Variants in HERC5 observed in about 807,000 individuals in gnomAD.
The protein encoded by HERC5 is HECT and RLD domain containing E3 ubiquitin protein ligase 5.
Under a neutral mutation model 119.6 loss-of-function variants are expected in HERC5, and 99 were observed. The ratio of observed to expected loss-of-function variants is 0.83; its 90% confidence interval spans 0.70 to 0.98. The LOEUF (loss-of-function observed/expected upper bound fraction) is 0.98. Ranked by LOEUF, HERC5 falls within the 50% of genes least tolerant of loss-of-function variation. The probability of loss-of-function intolerance (pLI) is 0.00; values close to 1 mark genes in which losing one functional copy is unlikely to be tolerated. For synonymous variants in HERC5, 478 were observed against 445.9 expected, an observed-to-expected ratio of 1.07 and a Z score of -0.91; for missense variants, 1,267 against 1,241.3, an observed-to-expected ratio of 1.02 and a Z score of -0.31.
At chr4:88,467,315 T>G in intron 7 of HERC5, 111 bp downstream of exon 7, 1 of 1,087,504 alleles carries the variant, frequency 9.2e-7, no homozygotes, top group East Asian at 2.4e-5. Context: ...AGGGAGTTTC[T>G]CTAAATACTG....
intron 18 of HERC5, 101 bp downstream of exon 18, chr4:88,494,432 A>G: frequency 1.0e-6 from 1 of 978,084 alleles, no homozygotes; most frequent in South Asian, 1.7e-5. Context: ...CAACAGCAGC[A>G]TTTTAGGTAC....
In HERC5 at chr4:88,462,262, C is replaced by T. The variant is rs762106443; in HGVS notation, c.594C>T (p.Ala198=). 1.1e-5 allele frequency: 18 copies of T among 1,614,104 alleles called. No homozygotes were observed. The highest frequency in any genetic ancestry group is 1.6e-4 in the Middle Eastern group (1 of 6,062). ...LAGVPLAQIS[A]GEAHSMALSM... ...GAGTACCCTTGGCTCAGATTTCTGC[C>T]GGAGAAGCCCACAGCATGGCCTTAT... The change falls in exon 4 of 23, where the codon GCC becomes GCT. Residue 198 remains alanine (A), a synonymous_variant. Transcript: ENST00000264350.
At chr4:88,474,456 G>T (rs1740984920) in intron 11 of HERC5, among the ~76,000 whole-genome samples, 1 of 152,158 alleles carries the variant, frequency 6.6e-6, no homozygotes, top group African/African-American at 2.4e-5. Flanking sequence ...AGGTGAGGAG[G>T]CTTGAGGTTG....
chr4:88,494,210 G>C lies in HERC5; in HGVS notation c.2323G>C (p.Gly775Arg). 1 of 1,612,498 alleles carries C rather than the reference G, an allele frequency of 6.2e-7. No homozygotes were observed. The highest frequency in any genetic ancestry group is 8.5e-7 in the Non-Finnish European group (1 of 1,179,352). ...KRYFFFGVLC[G>R]LSLFNCNVAN... ...ATACTTCTTTTTTGGGGTTCTATGT[G>C]GACTTTCCCTGTTCAATTGCAATGT... The change falls in exon 18 of 23, where the codon GGA becomes CGA. Residue 775 changes from glycine to arginine, a missense_variant. This residue lies in a region of HERC5 where 473 missense variants were observed against 445.7 expected (regional missense o/e 1.06). Transcript: ENST00000264350.
At chr4:88,494,494 C>T (rs1189904014) in intron 18 of HERC5, among the ~76,000 whole-genome samples, 163 bp downstream of exon 18, 2 of 152,194 alleles carry the variant, frequency 1.3e-5, no homozygotes, top group Non-Finnish European at 2.9e-5. Context: ...ATTTCGTTTT[C>T]TAAAATTAGG....
At position 88,472,484 on chromosome 4, in the gene HERC5, G is replaced by A; in HGVS notation, c.1374G>A (p.Lys458=). 6.3e-7 allele frequency: 1 copy of A among 1,581,768 alleles called. No individual in the cohort carries two copies. Among genetic ancestry groups the A allele is most frequent in the Non-Finnish European group, 8.7e-7 (1 of 1,153,172 alleles). Reference sequence around the variant, plus strand: ...ACATCTTCAAGGAGTTAACCCAAAAGGACTGGATTACTAACATGGTATCTT... The same window carrying A: ...ACATCTTCAAGGAGTTAACCCAAAAAGACTGGATTACTAACATGGTATCTT... ...ARNIFKELTQ[K]DWITNMITTC... Residue 458 remains lysine, a synonymous_variant, in exon 11 of 23, where the codon AAG becomes AAA. Transcript: ENST00000264350.
At chr4:88,488,149 G>C (rs1198124842) in intron 15 of HERC5, among the ~76,000 whole-genome samples, 1 of 151,648 alleles carries the variant, frequency 6.6e-6, no homozygotes, top group African/African-American at 2.4e-5. Context: ...ATTCTCTCCT[G>C]ATTTTAAACA....
At chr4:88,493,469 A>C (rs1306829647) in intron 17 of HERC5, among the ~76,000 whole-genome samples, 1 of 152,194 alleles carries the variant, frequency 6.6e-6, no homozygotes, top group African/African-American at 2.4e-5. Context: ...AATGAATTTG[A>C]AGACAAAGGC....
chr4:88,479,936 G>A (rs777282253), intron 13 of HERC5, among the ~76,000 whole-genome samples: 18 of 151,900 alleles, frequency 1.2e-4, no homozygotes, highest in Non-Finnish European at 1.9e-4. Flanking sequence ...GCGTGGTGGC[G>A]GGCGCCTGTA....
At position 88,460,119 on chromosome 4, in the gene HERC5, A is replaced by T; in HGVS notation, c.414A>T (p.Lys138Asn). 4 of 1,586,074 alleles carry T rather than the reference A, an allele frequency of 2.5e-6. No homozygotes were observed. The highest frequency in any genetic ancestry group is 3.5e-6 in the Non-Finnish European group (4 of 1,157,256). ...HLRFESILQE[K>N]KIIQITCGDY... ...GGTTTGAAAGCATTTTACAAGAAAA[A>T]AAAATAATTCAGATCACATGTGGAG... is the stretch of plus-strand genomic sequence containing the variant. The change falls in exon 3 of 23, where the codon AAA becomes AAT. Residue 138 changes from lysine (K) to asparagine (N), a missense_variant. Coordinates refer to ENST00000264350, the MANE Select transcript of HERC5 (RefSeq NM_016323.4).
intron 9 of HERC5, among the ~76,000 whole-genome samples, chr4:88,470,390 T>G (rs1261933098): frequency 2.6e-5 from 4 of 152,246 alleles, no homozygotes; most frequent in African/African-American, 9.6e-5. Context: ...ATGTATAAAC[T>G]TTTTTATTTC....
chr4:88,457,226 G>C lies in HERC5; in HGVS notation c.-44G>C, dbSNP rs1740176792. The C allele has an allele frequency of 7.7e-7, 1 of 1,290,692 alleles. No individual in the cohort carries two copies. Among genetic ancestry groups the C allele is most frequent in the East Asian group, 3.1e-5 (1 of 31,772 alleles). The allele number at this position is 1,290,692 out of a possible 1,614,324, so 80.0% of individuals were successfully genotyped here. A position where few individuals can be genotyped will look rare whatever the true frequency, so the allele number is the denominator to read the frequency against. ...GGCGCGCTCAGTCCCGGGACCAGGC[G>C]TTCTCTCCTCTCGCCTCTGGGCCTG... On this transcript the variant is annotated 5_prime_UTR_variant, in exon 1 of 23. Coordinates refer to ENST00000264350, the MANE Select transcript of HERC5 (RefSeq NM_016323.4).
intron 16 of HERC5, among the ~76,000 whole-genome samples, chr4:88,491,611 T>G (rs566351008): frequency 6.6e-6 from 1 of 152,152 alleles, no homozygotes; most frequent in Non-Finnish European, 1.5e-5. Flanking sequence ...AGATGAGATA[T>G]GAGAAAAAGT....
At chr4:88,495,563 T>TA (rs940653667) in intron 18 of HERC5, among the ~76,000 whole-genome samples, 11 of 150,660 alleles carry the variant, frequency 7.3e-5, no homozygotes, top group South Asian at 4.2e-4. Flanking sequence ...CTGTCTCAAT[T>TA]AAAAAAAAAG....
In HERC5 at chr4:88,475,929, C is replaced by G; in HGVS notation, c.1481C>G (p.Pro494Arg). The G allele has an allele frequency of 6.2e-7, 1 of 1,613,926 alleles. No individual in the cohort carries two copies. Among genetic ancestry groups the G allele is most frequent in the East Asian group, 2.2e-5 (1 of 44,856 alleles). ...GCTTTAGAAATTTTCTTCCTTCTCC[C>G]AGAATGTCCTATGATGCATATTTCC... is the stretch of plus-strand genomic sequence containing the variant. ...QEALEIFFLLPECPMMHISNN... is the reference protein window; with the variant it reads ...QEALEIFFLLRECPMMHISNN... The change falls in exon 12 of 23, where the codon CCA (proline) becomes CGA (arginine). Residue 494 changes from proline (P) to arginine (R), a missense_variant. Physicochemically the swap from Pro to Arg is moderately radical, Grantham distance 103. Transcript: ENST00000264350.
chr4:88,465,771 A>G (rs1236214661), intron 6 of HERC5, among the ~76,000 whole-genome samples: 1 of 152,202 alleles, frequency 6.6e-6, no homozygotes, highest in East Asian at 1.9e-4. Context: ...CACATTTATT[A>G]CAAGAAAAGG....
chr4:88,482,193 C>T (rs931523670), intron 13 of HERC5, among the ~76,000 whole-genome samples: 15 of 151,928 alleles, frequency 9.9e-5, no homozygotes, highest in Admixed American at 8.5e-4. Context: ...GCCTGTAATC[C>T]CAGCTGCTTG....
In HERC5 at chr4:88,486,506, AG is replaced by A. The variant is rs367586335; in HGVS notation, c.1851+279del. ...ACTAGTGGAGCTCTGATACCCTTAAAGTGGTCATAACAAGGCAGTGAGACTC... is the reference window on the plus strand; with the variant it reads ...ACTAGTGGAGCTCTGATACCCTTAAATGGTCATAACAAGGCAGTGAGACTC... On this transcript the variant is annotated intron_variant, in intron 14 of 22. Transcript: ENST00000264350. Among the ~76,000 whole-genome samples, 228 of 152,344 alleles carry A rather than the reference AG, an allele frequency of 1.5e-3. 3 individuals carry two copies. The South Asian group carries it at 0.021, about 14-fold the overall frequency.
chr4:88,488,288 G>C (rs1741532304), intron 15 of HERC5, among the ~76,000 whole-genome samples: 2 of 149,246 alleles, frequency 1.3e-5, no homozygotes, highest in African/African-American at 5.0e-5. Context: ...CTGGAGTGCA[G>C]TGGCATGATC....
Sources: gnomAD v4.1 joint callset for allele counts (sites outside exome capture counted in the v4.1 genomes callset) on GRCh38, gnomAD v4.1.1 for gene constraint, gnomAD v4.1.1 regional missense constraint, MANE v1.5 for transcripts, NCBI Gene and HGNC (gene_info 2026-07-23, HGNC 2026-07-21) for gene names.